ZBTB16: variants seen among roughly 807,000 people sequenced by gnomAD.
The protein encoded by ZBTB16 is zinc finger and BTB domain-containing protein 16.
In ZBTB16, 8 loss-of-function variants were observed where a neutral mutation model predicts 56.8. The ratio of observed to expected loss-of-function variants is 0.14; its 90% CI spans 0.08 to 0.25. ZBTB16 has a LOEUF of 0.25. Among genes scored for constraint, ZBTB16 ranks in the 10% least tolerant of loss-of-function variants. The pLI is 1.00. For missense variants in ZBTB16, 625 were observed against 903.0 expected, an observed-to-expected ratio of 0.69 and a Z score of 3.95; for synonymous variants, 363 against 368.5, an observed-to-expected ratio of 0.98 and a Z score of 0.17.
chr11:114,194,433 C>T (rs1201084040), intron 4 of ZBTB16, among the ~76,000 whole-genome samples: 1 of 152,164 alleles, frequency 6.6e-6, no homozygotes, highest in East Asian at 1.9e-4. Context: ...TCTTGACGGG[C>T]TCAAGCTGGT....
chr11:114,242,027 G>A, intron 4 of ZBTB16, 140 bp from the exon 5 acceptor site: 3 of 1,146,300 alleles, frequency 2.6e-6, no homozygotes, highest in Non-Finnish European at 3.8e-6. Context: ...GTGTTGCATA[G>A]CCTGGGCCCA....
chr11:114,115,143 T>C (rs1941131213), intron 2 of ZBTB16, among the ~76,000 whole-genome samples: 1 of 152,170 alleles, frequency 6.6e-6, no homozygotes, highest in African/African-American at 2.4e-5. Context: ...TTAATTTCTC[T>C]ACCCTCGCCT....
At chr11:114,243,795 G>A (rs1331592782) in intron 5 of ZBTB16, among the ~76,000 whole-genome samples, 2 of 152,152 alleles carry the variant, frequency 1.3e-5, no homozygotes, top group Non-Finnish European at 2.9e-5. Flanking sequence ...CAATCAGTTG[G>A]CTTCATGTGA....
chr11:114,201,002 A>T (rs1314361694), intron 4 of ZBTB16, among the ~76,000 whole-genome samples: 1 of 152,210 alleles, frequency 6.6e-6, no homozygotes, highest in Admixed American at 6.5e-5. Context: ...TACAGGCCTC[A>T]AGGCTGTTAT....
At chr11:114,145,252 G>A (rs1185309733) in intron 2 of ZBTB16, among the ~76,000 whole-genome samples, 1 of 152,200 alleles carries the variant, frequency 6.6e-6, no homozygotes, top group Non-Finnish European at 1.5e-5. Context: ...AAAACAGTCT[G>A]GCAGTTCCTT....
chr11:114,190,357 T>C (rs1943463456), intron 4 of ZBTB16, among the ~76,000 whole-genome samples: 1 of 152,182 alleles, frequency 6.6e-6, no homozygotes, highest in Non-Finnish European at 1.5e-5. Context: ...CCAACTAACC[T>C]ACTGAACATC....
At chr11:114,120,546 G>C (rs593731) in intron 2 of ZBTB16, among the ~76,000 whole-genome samples, 132,729 of 152,200 alleles carry the variant, frequency 0.87, 58,096 homozygotes, top group East Asian at 0.96. Context: ...GATCACTATC[G>C]TGTGAGATGA....
chr11:114,182,471 C>A (rs552342378), intron 3 of ZBTB16, among the ~76,000 whole-genome samples: 2 of 152,206 alleles, frequency 1.3e-5, no homozygotes, highest in East Asian at 3.9e-4. Context: ...GCAGGGATTT[C>A]GTCTCTTTTG....
intron 2 of ZBTB16, among the ~76,000 whole-genome samples, chr11:114,155,466 GGGTT>G (rs964396209): frequency 1.8e-4 from 21 of 114,114 alleles, no homozygotes; most frequent in African/African-American, 1.1e-3. Flanking sequence ...CCCGGGTTGG[GGGTT>G]GGGAGTTGGG....
At chr11:114,220,930 A>G (rs1008304134) in intron 4 of ZBTB16, among the ~76,000 whole-genome samples, 5 of 152,190 alleles carry the variant, frequency 3.3e-5, no homozygotes, top group Non-Finnish European at 7.3e-5. Flanking sequence ...TTCTGTCATA[A>G]AAGTTTTCCA....
chr11:114,201,695 A>G (rs1032933804), intron 4 of ZBTB16, among the ~76,000 whole-genome samples: 3 of 152,230 alleles, frequency 2.0e-5, no homozygotes, highest in African/African-American at 4.8e-5. Flanking sequence ...ATCAGGTTAT[A>G]TAGTGTGGTC....
chr11:114,239,715 C>T (rs890317859), intron 4 of ZBTB16, among the ~76,000 whole-genome samples: 3 of 152,146 alleles, frequency 2.0e-5, no homozygotes, highest in Non-Finnish European at 4.4e-5. Context: ...CAGCTACTGC[C>T]CACTCCTGGC....
chr11:114,171,489 CTCACCTCTGGCCTGCT>C lies in ZBTB16; in HGVS notation c.1366+15056_1366+15071del, dbSNP rs1191040851. 5.3e-5 allele frequency among the ~76,000 whole-genome samples: 8 copies of C among 152,348 alleles called. No homozygotes were observed. The East Asian group carries it at 1.6e-3, about 30-fold the overall frequency. On this transcript the variant is annotated intron_variant, in intron 3 of 6. Transcript: ENST00000335953. Reference sequence around the variant, plus strand: ...TGAACGTGTCCTCTGGGTGGCCTGCCTCACCTCTGGCCTGCTGCCCATCAGCATTGAATCATGCCCC... The same window carrying C: ...TGAACGTGTCCTCTGGGTGGCCTGCCGCCCATCAGCATTGAATCATGCCCC...
intron 3 of ZBTB16, among the ~76,000 whole-genome samples, chr11:114,172,631 C>T (rs1201499539): frequency 6.6e-6 from 1 of 152,222 alleles, no homozygotes; most frequent in Non-Finnish European, 1.5e-5. Context: ...TCACGTGGTA[C>T]AGATTGCACG....
intron 4 of ZBTB16, among the ~76,000 whole-genome samples, chr11:114,240,921 A>G (rs1310455366): frequency 6.6e-6 from 1 of 152,212 alleles, no homozygotes; most frequent in Non-Finnish European, 1.5e-5. Context: ...AAGACCCTGC[A>G]TGGCCTGGCC....
At chr11:114,104,286 A>G (rs1940712871) in intron 2 of ZBTB16, among the ~76,000 whole-genome samples, 1 of 152,224 alleles carries the variant, frequency 6.6e-6, no homozygotes, top group Non-Finnish European at 1.5e-5. Flanking sequence ...GTGGTTTACC[A>G]TAACTGCAAG....
intron 1 of ZBTB16, chr11:114,061,269 G>T (rs1295368967): frequency 6.6e-6 from 1 of 152,122 alleles, no homozygotes; most frequent in Admixed American, 6.5e-5. Flanking sequence ...CCGAGCGGCG[G>T]GTGGGGGAGA....
At chr11:114,093,334 G>A (rs1218275272) in intron 2 of ZBTB16, among the ~76,000 whole-genome samples, 1 of 144,352 alleles carries the variant, frequency 6.9e-6, no homozygotes, top group East Asian at 1.9e-4. Context: ...ATTGCTGGGG[G>A]TGTGGAGGGG....
intron 4 of ZBTB16, chr11:114,209,969 A>G (rs867760032): frequency 2.0e-6 from 2 of 985,052 alleles, no homozygotes; most frequent in African/African-American, 1.7e-5. Flanking sequence ...GCTGCTACTT[A>G]TTAGGAGCAA....
Sources: gnomAD v4.1 joint callset for allele counts (sites outside exome capture counted in the v4.1 genomes callset) on GRCh38, gnomAD v4.1.1 for gene constraint, MANE v1.5 for transcripts, NCBI Gene and HGNC (gene_info 2026-07-23, HGNC 2026-07-21) for gene names.